Variants in ATXN7L1 observed in about 807,000 individuals in gnomAD.
ATXN7L1 encodes the protein ataxin 7 like 1.
ATXN7L1 carries 15 observed loss-of-function variants against 70.8 expected under a neutral mutation model. The observed-to-expected ratio is 0.21, with a 90% CI of 0.14 to 0.33. The LOEUF is 0.33. ATXN7L1 is among the 10% of genes least tolerant of loss of function. The pLI, the probability that ATXN7L1 is intolerant of heterozygous loss-of-function variation, is 1.00. For synonymous variants in ATXN7L1, 440 were observed against 445.1 expected (o/e 0.99, Z 0.14); for missense variants, 975 against 1,097.1 (o/e 0.89, Z 1.57).
intron 2 of ATXN7L1, among the ~76,000 whole-genome samples, chr7:105,872,183 G>A (rs1431943974): frequency 2.6e-5 from 4 of 152,084 alleles, no homozygotes; most frequent in East Asian, 3.9e-4. Flanking sequence ...TAGTAGAGAT[G>A]GGGTTTCACC....
rs562933494 is a variant in ATXN7L1, at chr7:105,875,930, A to G, written c.182-50T>C. 1.2e-4 allele frequency: 182 copies of G among 1,533,468 alleles called. 1 individual carries two copies. The South Asian group carries it at 1.8e-3, about 15-fold the overall frequency. The allele number at this position is 1,533,468 out of a possible 1,614,324, so 95.0% of individuals were successfully genotyped here. The stretch of plus-strand genomic sequence containing the variant: ...ACAGAAAATAAGGAAAAAAGGGGGG[A>G]AAAAAGCCAAAGTCAAGGGGGGAGG... On this transcript the variant is annotated intron_variant, in intron 1 of 11. Coordinates refer to ENST00000419735, the MANE Select transcript of ATXN7L1 (RefSeq NM_020725.2).
At chr7:105,823,511 T>C (rs890665496) in intron 2 of ATXN7L1, among the ~76,000 whole-genome samples, 1 of 152,174 alleles carries the variant, frequency 6.6e-6, no homozygotes, top group Admixed American at 6.5e-5. Context: ...AACACTATAT[T>C]GGAAGTTTTA....
At chr7:105,774,641 C>G (rs964140820) in intron 3 of ATXN7L1, among the ~76,000 whole-genome samples, 1 of 152,084 alleles carries the variant, frequency 6.6e-6, no homozygotes, top group Non-Finnish European at 1.5e-5. Flanking sequence ...TGTGAACCAC[C>G]GCGCCCGGCC....
Position 105,614,202 on chromosome 7 carries a change from C to G in ATXN7L1, c.2132G>C (p.Ser711Thr). ...CCGTCCTGAGGGCTCCAGTTTGGCA[C>G]TGAGTGGGCTCACCCCATTGTTTGA... ...HNSNNGVSPL[S>T]AKLEPSGRTS... Residue 711 changes from serine to threonine, a missense_variant, in exon 10 of 12, where the codon AGT (serine) becomes ACT (threonine). By Grantham distance (58) the Ser-to-Thr change is moderately conservative. Transcript: ENST00000419735. This position sits in a 1 kb window ranked among gnomAD's most constrained non-coding sequence, Gnocchi z 4.3. 6.4e-7 allele frequency: 1 copy of G among 1,551,716 alleles called. No individual in the cohort carries two copies. Among genetic ancestry groups the G allele is most frequent in the Non-Finnish European group, 8.7e-7 (1 of 1,147,006 alleles).
chr7:105,808,662 G>A (rs2116534274), intron 2 of ATXN7L1, among the ~76,000 whole-genome samples: 1 of 152,310 alleles, frequency 6.6e-6, no homozygotes, highest in East Asian at 1.9e-4. Context: ...CTTTGCCCAA[G>A]CATATTTATA....
chr7:105,729,350 C>T (rs941945659), intron 3 of ATXN7L1, among the ~76,000 whole-genome samples: 3 of 150,470 alleles, frequency 2.0e-5, no homozygotes, highest in Non-Finnish European at 4.4e-5. Flanking sequence ...GGAGAAGATA[C>T]AAATTTTCCT....
At position 105,875,559 on chromosome 7, in the gene ATXN7L1, G is replaced by C. The variant is rs925145415; in HGVS notation, c.250+253C>G. ...CAAGGAGAATGGCAGATATGCATCAGAAGGTTCAAACGTGGAGTCCAACTG... is the reference window on the plus strand; with the variant it reads ...CAAGGAGAATGGCAGATATGCATCACAAGGTTCAAACGTGGAGTCCAACTG... On this transcript the variant is annotated intron_variant, in intron 2 of 11. Transcript: ENST00000419735. Among the ~76,000 whole-genome samples the C allele has an allele frequency of 5.3e-5, 8 of 151,224 alleles. No individual in the cohort carries two copies. In the South Asian group the frequency reaches 1.0e-3, roughly 20 times the overall value.
chr7:105,613,895 C>A lies in ATXN7L1; in HGVS notation c.2439G>T (p.Val813=). 1 of 1,552,036 alleles carries A rather than the reference C, an allele frequency of 6.4e-7. No individual in the cohort carries two copies. The highest frequency in any genetic ancestry group is 8.7e-7 in the Non-Finnish European group (1 of 1,147,032). The change falls in exon 10 of 12, where the codon GTG becomes GTT. Residue 813 remains valine (V), a synonymous_variant. Transcript: ENST00000419735. ...AGGAGGTGCTGTTAACGGGATCGGG[C>A]ACCGGTGCGAGAAGGCTGGGCGGGT... is the stretch of plus-strand genomic sequence containing the variant. ...KKNPPSLLAP[V]PDPVNSTSSR...
At chr7:105,789,926 A>G (rs1251251770) in intron 2 of ATXN7L1, among the ~76,000 whole-genome samples, 3 of 152,194 alleles carry the variant, frequency 2.0e-5, no homozygotes, top group Admixed American at 6.5e-5. Context: ...ACACCCACCA[A>G]TTGACGAGTG....
At chr7:105,664,946 TC>T in intron 4 of ATXN7L1, 119 bp downstream of exon 4, 1 of 1,001,816 alleles carries the variant, frequency 1.0e-6, no homozygotes, top group East Asian at 2.6e-5. Flanking sequence ...CATTCCTCAG[TC>T]CCCCAAATTC....
At chr7:105,665,336 G>A in intron 3 of ATXN7L1, 48 bp from the exon 4 acceptor site, 11 of 1,453,838 alleles carry the variant, frequency 7.6e-6, no homozygotes, top group Non-Finnish European at 1.0e-5. Flanking sequence ...TGTAGCAGGT[G>A]AGGCTCCCAC....
intron 3 of ATXN7L1, among the ~76,000 whole-genome samples, chr7:105,666,469 T>G (rs1802631718): frequency 6.6e-6 from 1 of 152,228 alleles, no homozygotes; most frequent in Non-Finnish European, 1.5e-5. Context: ...AGGGCACCTT[T>G]CCTGGTTGCT....
At chr7:105,731,358 A>C (rs747413473) in intron 3 of ATXN7L1, among the ~76,000 whole-genome samples, 30 of 152,092 alleles carry the variant, frequency 2.0e-4, no homozygotes, top group Non-Finnish European at 4.1e-4. Flanking sequence ...CTTTTTCTTT[A>C]AATATAAACT....
At chr7:105,689,688 CAG>C (rs1790493503) in intron 3 of ATXN7L1, among the ~76,000 whole-genome samples, 1 of 152,220 alleles carries the variant, frequency 6.6e-6, no homozygotes, top group Admixed American at 6.5e-5. Flanking sequence ...GCCCCACACA[CAG>C]GGGCAGATTT....
chr7:105,606,490 A>G lies in ATXN7L1; in HGVS notation c.*1362T>C, dbSNP rs560573340. The G allele has an allele frequency of 6.6e-5, 10 of 152,364 alleles. No homozygotes were observed. In the South Asian group the frequency reaches 1.7e-3, roughly 25 times the overall value. The allele number at this position is 152,364 out of a possible 1,614,324, so 9.4% of individuals were successfully genotyped here. The stretch of plus-strand genomic sequence containing the variant: ...CCTCCCAGTATCTTTGCTATACATC[A>G]TATACAAAGTTACATGATTAATAGC... On this transcript the variant is annotated 3_prime_UTR_variant, in exon 12 of 12. Coordinates refer to ENST00000419735, the MANE Select transcript of ATXN7L1 (RefSeq NM_020725.2).
At chr7:105,841,631 C>T (rs1007194511) in intron 2 of ATXN7L1, among the ~76,000 whole-genome samples, 1 of 152,084 alleles carries the variant, frequency 6.6e-6, no homozygotes. Context: ...TGTGGCATCT[C>T]GGTGCTTGCA....
At chr7:105,841,100 G>A (rs145103628) in intron 2 of ATXN7L1, among the ~76,000 whole-genome samples, 8 of 152,308 alleles carry the variant, frequency 5.3e-5, no homozygotes, top group Non-Finnish European at 2.9e-5. Context: ...ACTGAGCTTT[G>A]TGCGTGCTGC....
intron 3 of ATXN7L1, among the ~76,000 whole-genome samples, chr7:105,709,863 T>A (rs1470325053): frequency 6.6e-6 from 1 of 151,100 alleles, no homozygotes; most frequent in African/African-American, 2.4e-5. Context: ...CAAATAATAA[T>A]AAAGCTTGCT....
At position 105,638,476 on chromosome 7, in the gene ATXN7L1, T is replaced by C; in HGVS notation, c.1079A>G (p.Glu360Gly). 6.4e-7 allele frequency: 1 copy of C among 1,552,360 alleles called. No individual in the cohort carries two copies. Among genetic ancestry groups the C allele is most frequent in the Non-Finnish European group, 8.7e-7 (1 of 1,147,148 alleles). The change falls in exon 7 of 12, where the codon GAA becomes GGA. Residue 360 changes from glutamate (E) to glycine (G), a missense_variant. Physicochemically the swap from Glu to Gly is moderately conservative, Grantham distance 98. Coordinates refer to ENST00000419735, the MANE Select transcript of ATXN7L1 (RefSeq NM_020725.2). The stretch of plus-strand genomic sequence containing the variant: ...CGGCCCGGATTGGCTTGGAAGTATT[T>C]CCCTCGTGGAAGTCAGGAGATGCTC... ...DKEHLLTSTREILPSQSGPAQ... is the reference protein window; with the variant it reads ...DKEHLLTSTRGILPSQSGPAQ...
Sources: gnomAD v4.1 joint callset for allele counts (sites outside exome capture counted in the v4.1 genomes callset) on GRCh38, gnomAD v4.1.1 for gene constraint, Gnocchi (gnomAD v3.1) non-coding constraint, MANE v1.5 for transcripts, NCBI Gene and HGNC (gene_info 2026-07-23, HGNC 2026-07-21) for gene names.